SLC22A25: variants seen among roughly 807,000 people sequenced by gnomAD.
SLC22A25 encodes solute carrier family 22 member 25, also known as MGI:2442751, MGI:2385316, MGI:3042283, MGI:3645714, MGI:3605624, MGI:2442750.
In SLC22A25, 44 loss-of-function variants were observed where a neutral mutation model predicts 45.9. The ratio of observed to expected loss-of-function variants is 0.96; its 90% confidence interval spans 0.75 to 1.23. The LOEUF (loss-of-function observed/expected upper bound fraction) is 1.23. SLC22A25 is among the 50% of genes most tolerant of loss of function. The pLI, the probability that SLC22A25 is intolerant of heterozygous loss-of-function variation, is 0.00. For synonymous variants in SLC22A25, 283 were observed against 238.6 expected, an observed-to-expected ratio of 1.19 and a Z score of -1.72; for missense variants, 800 against 666.4, an observed-to-expected ratio of 1.20 and a Z score of -2.21.
chr11:63,220,120 G>T (rs775701822), intron 5 of SLC22A25: 41 of 822,190 alleles, frequency 5.0e-5, no homozygotes, highest in Non-Finnish European at 6.5e-5. Context: ...ACCTTTTGTT[G>T]TAAGGTAGAG....
At chr11:63,177,197 T>C (rs2088120619) in intron 9 of SLC22A25, among the ~76,000 whole-genome samples, 1 of 151,924 alleles carries the variant, frequency 6.6e-6, no homozygotes, top group African/African-American at 2.4e-5. Flanking sequence ...TTATAAAATG[T>C]CTAGATGTGA....
intron 1 of SLC22A25, among the ~76,000 whole-genome samples, chr11:63,241,143 G>A (rs1464344452): frequency 6.6e-6 from 1 of 152,194 alleles, no homozygotes; most frequent in African/African-American, 2.4e-5. Flanking sequence ...GGTTTACTAA[G>A]GCATGCTCTT....
rs183404476 is a variant in SLC22A25, at chr11:63,164,544, A to G, written c.1376T>C (p.Leu459Pro). The G allele has an allele frequency of 3.3e-5, 54 of 1,613,712 alleles. 1 individual carries two copies. In the East Asian group the frequency reaches 1.0e-3, roughly 31 times the overall value. Reference sequence around the variant, plus strand: ...TTTGTACCTGATTATGGAAGGAATTAGTTCATTTTCTTGGGCAGTAGAACA... The same window carrying G: ...TTTGTACCTGATTATGGAAGGAATTGGTTCATTTTCTTGGGCAGTAGAACA... The part of the protein sequence containing the change: ...ITCSTAQENE[L>P]IPSIIRGRAT... Residue 459 changes from leucine (L) to proline (P), a missense_variant, in exon 11 of 12, where the codon CTA (leucine) becomes CCA (proline). Coordinates refer to ENST00000306494, the MANE Select transcript of SLC22A25 (RefSeq NM_199352.6).
intron 5 of SLC22A25, among the ~76,000 whole-genome samples, chr11:63,226,604 A>G (rs1332328348): frequency 6.6e-6 from 1 of 152,224 alleles, no homozygotes; most frequent in East Asian, 1.9e-4. Flanking sequence ...AAGACAGCAT[A>G]GCACTGGGTC....
At chr11:63,241,375 G>A (rs1590929484) in intron 1 of SLC22A25, among the ~76,000 whole-genome samples, 2 of 152,092 alleles carry the variant, frequency 1.3e-5, no homozygotes, top group South Asian at 4.2e-4. Context: ...TATTTGATTG[G>A]TTAGTGCTTC....
At chr11:63,164,669 C>T in intron 10 of SLC22A25, 35 bp from the exon 11 acceptor site, 1 of 1,548,372 alleles carries the variant, frequency 6.5e-7, no homozygotes, top group Non-Finnish European at 8.9e-7. Context: ...CTCAGGAAAT[C>T]TGAGCTGAAG....
At chr11:63,234,331 C>T (rs1030255734) in intron 3 of SLC22A25, among the ~76,000 whole-genome samples, 3 of 152,090 alleles carry the variant, frequency 2.0e-5, no homozygotes, top group Admixed American at 6.6e-5. Flanking sequence ...CTGTATTGGG[C>T]ACATATATAT....
chr11:63,186,712 A>G (rs540620546), intron 7 of SLC22A25, among the ~76,000 whole-genome samples: 1 of 152,228 alleles, frequency 6.6e-6, no homozygotes, highest in South Asian at 2.1e-4. Flanking sequence ...ATCTTGAATT[A>G]ATTTTTGTAT....
At chr11:63,230,205 C>T (rs911047888) in intron 3 of SLC22A25, among the ~76,000 whole-genome samples, 109 bp from the exon 4 acceptor site, 2 of 152,084 alleles carry the variant, frequency 1.3e-5, no homozygotes, top group Non-Finnish European at 2.9e-5. Flanking sequence ...TGGTGCAAAC[C>T]TTCCATTTTG....
chr11:63,173,282 C>G (rs1221860369), intron 9 of SLC22A25, among the ~76,000 whole-genome samples: 1 of 151,968 alleles, frequency 6.6e-6, no homozygotes, highest in Non-Finnish European at 1.5e-5. Context: ...GGTTTAAAAC[C>G]TAGATAATGG....
At chr11:63,168,987 A>G (rs2087782369) in intron 9 of SLC22A25, among the ~76,000 whole-genome samples, 1 of 152,356 alleles carries the variant, frequency 6.6e-6, no homozygotes, top group South Asian at 2.1e-4. Context: ...AAACCCTACA[A>G]TCCAGAAGAG....
intron 3 of SLC22A25, among the ~76,000 whole-genome samples, chr11:63,232,558 A>G (rs1309675775): frequency 6.6e-6 from 1 of 152,184 alleles, no homozygotes; most frequent in Non-Finnish European, 1.5e-5. Flanking sequence ...TTTTCTAGAT[A>G]TACAATCATG....
chr11:63,223,584 G>C (rs998822696), intron 5 of SLC22A25, among the ~76,000 whole-genome samples: 1 of 151,376 alleles, frequency 6.6e-6, no homozygotes, highest in African/African-American at 2.4e-5. Flanking sequence ...TTGTTTTGTT[G>C]CTGTTTTGCA....
At chr11:63,177,149 C>G (rs977192242) in intron 9 of SLC22A25, among the ~76,000 whole-genome samples, 1 of 152,004 alleles carries the variant, frequency 6.6e-6, no homozygotes, top group Non-Finnish European at 1.5e-5. Context: ...AGTCACTTCT[C>G]TTGCTGCTTT....
At chr11:63,190,547 G>T (rs187217086) in intron 7 of SLC22A25, among the ~76,000 whole-genome samples, 1 of 152,186 alleles carries the variant, frequency 6.6e-6, no homozygotes, top group East Asian at 1.9e-4. Flanking sequence ...CTCTCAGCTC[G>T]TCAAAGTCAT....
chr11:63,216,343 A>G (rs1374323408), intron 7 of SLC22A25, among the ~76,000 whole-genome samples: 1 of 152,198 alleles, frequency 6.6e-6, no homozygotes, highest in East Asian at 1.9e-4. Flanking sequence ...AGAAAGAAAT[A>G]CCTTTCAACC....
chr11:63,169,132 C>T (rs2087787665), intron 9 of SLC22A25, among the ~76,000 whole-genome samples: 1 of 152,130 alleles, frequency 6.6e-6, no homozygotes. Context: ...GGGATTTTGT[C>T]ACCAGCAGGC....
intron 3 of SLC22A25, among the ~76,000 whole-genome samples, chr11:63,233,504 C>T (rs1280361186): frequency 5.9e-5 from 9 of 152,072 alleles, no homozygotes; most frequent in Non-Finnish European, 1.2e-4. Context: ...TTTTTTATTG[C>T]ATCTACTTGA....
intron 1 of SLC22A25, among the ~76,000 whole-genome samples, chr11:63,240,669 A>T (rs960862660): frequency 2.6e-5 from 4 of 152,100 alleles, no homozygotes; most frequent in African/African-American, 4.8e-5. Context: ...TGCTTTTTAA[A>T]TTTTTTTGTT....
Sources: gnomAD v4.1 joint callset for allele counts (sites outside exome capture counted in the v4.1 genomes callset) on GRCh38, gnomAD v4.1.1 for gene constraint, MANE v1.5 for transcripts, NCBI Gene and HGNC (gene_info 2026-07-23, HGNC 2026-07-21) for gene names.